SLK: variants seen among roughly 807,000 people sequenced by gnomAD.
The protein encoded by SLK is STE20 like kinase.
SLK carries 67 observed loss-of-function variants against 147.7 expected under a neutral mutation model. That is an observed-to-expected ratio of 0.45 (90% CI 0.37 to 0.56). The LOEUF (loss-of-function observed/expected upper bound fraction) is 0.56, where lower values mean the gene tolerates loss of function less well. Ranked by LOEUF, SLK falls within the 20% of genes least tolerant of loss-of-function variation. The pLI is 0.00. For synonymous variants in SLK, 441 were observed against 475.0 expected, an observed-to-expected ratio of 0.93 and a Z score of 0.93; for missense variants, 1,136 against 1,438.8, an observed-to-expected ratio of 0.79 and a Z score of 3.41.
At chr10:103,976,712 G>T (rs1488580315) in intron 1 of SLK, among the ~76,000 whole-genome samples, 2 of 152,030 alleles carry the variant, frequency 1.3e-5, no homozygotes, top group South Asian at 2.1e-4. Context: ...GAAGCTTTCT[G>T]TCACCCCCCG....
intron 1 of SLK, among the ~76,000 whole-genome samples, chr10:103,970,279 C>T (rs1024955156): frequency 6.6e-6 from 1 of 152,184 alleles, no homozygotes; most frequent in Non-Finnish European, 1.5e-5. Flanking sequence ...ATGGCATGGG[C>T]AGACTGTGTG....
At chr10:103,977,099 A>G (rs1352722396) in intron 1 of SLK, among the ~76,000 whole-genome samples, 2 of 152,000 alleles carry the variant, frequency 1.3e-5, no homozygotes, top group Non-Finnish European at 2.9e-5. Flanking sequence ...TGTGTTATTC[A>G]TTTGTCTATT....
chr10:103,979,800 A>G (rs1843918144), intron 1 of SLK, among the ~76,000 whole-genome samples: 1 of 152,020 alleles, frequency 6.6e-6, no homozygotes, highest in Non-Finnish European at 1.5e-5. Flanking sequence ...TTTCTTTTGC[A>G]TTGTGGTTTA....
In SLK at chr10:103,994,058, C is replaced by T. The variant is rs141733632; in HGVS notation, c.514+925C>T. On this transcript the variant is annotated intron_variant, in intron 4 of 18. Coordinates refer to ENST00000369755, the MANE Select transcript of SLK (RefSeq NM_014720.4). ...TGCAGGCATGCACCACCACGCCTGG[C>T]GAATTTTTAAAAATTTTTTTGTAGA... Among the ~76,000 whole-genome samples, 422 of 151,986 alleles carry T rather than the reference C, an allele frequency of 2.8e-3. 2 individuals are homozygous for T. Among genetic ancestry groups the T allele is most frequent in the Middle Eastern group, 0.017 (5 of 294 alleles).
chr10:103,968,578 C>G lies in SLK; in HGVS notation c.150+683C>G, dbSNP rs574595732. 1.7e-4 allele frequency among the ~76,000 whole-genome samples: 26 copies of G among 152,284 alleles called. No individual in the cohort carries two copies. In the South Asian group the frequency reaches 4.1e-3, roughly 24 times the overall value. On this transcript the variant is annotated intron_variant, in intron 1 of 18. Transcript: ENST00000369755. ...ATAGAAAGAGGCTTGGCGTTTCAAC[C>G]TGAAGGCATTAATGTTAACTATTTA...
intron 1 of SLK, among the ~76,000 whole-genome samples, chr10:103,968,547 A>G (rs564404465): frequency 3.9e-5 from 6 of 152,346 alleles, no homozygotes; most frequent in African/African-American, 1.4e-4. Context: ...GCATGTATTT[A>G]TTTCAATAGA....
At chr10:104,023,631 C>T (rs1358620754) in intron 18 of SLK, among the ~76,000 whole-genome samples, 2 of 151,624 alleles carry the variant, frequency 1.3e-5, no homozygotes, top group Non-Finnish European at 2.9e-5. Context: ...TTATGCTCCT[C>T]CTCATTTCAC....
intron 1 of SLK, among the ~76,000 whole-genome samples, chr10:103,978,648 G>C (rs1843900704): frequency 6.6e-6 from 1 of 151,878 alleles, no homozygotes; most frequent in East Asian, 1.9e-4. Context: ...TCAAGACCAG[G>C]GCATTTATTT....
intron 12 of SLK, among the ~76,000 whole-genome samples, chr10:104,008,995 GT>G (rs1206784113): frequency 6.6e-6 from 1 of 152,092 alleles, no homozygotes; most frequent in Non-Finnish European, 1.5e-5. Flanking sequence ...ATGAGAATGA[GT>G]TTTTTCATTG....
intron 11 of SLK, 128 bp downstream of exon 11, chr10:104,006,163 G>T: frequency 1.0e-6 from 1 of 976,836 alleles, no homozygotes; most frequent in East Asian, 2.8e-5. Flanking sequence ...CTAGCTTTGT[G>T]ATTTATTTCT....
chr10:104,021,517 G>A (rs1191599521), intron 17 of SLK, 103 bp from the exon 18 acceptor site: 3 of 637,100 alleles, frequency 4.7e-6, no homozygotes, highest in African/African-American at 3.7e-5. Context: ...CTCAGTAATA[G>A]CATGATATTT....
intron 4 of SLK, among the ~76,000 whole-genome samples, chr10:103,994,183 G>A (rs892506963): frequency 8.5e-5 from 13 of 152,106 alleles, no homozygotes; most frequent in Non-Finnish European, 1.8e-4. Flanking sequence ...CCTTTTGATT[G>A]TGAAAAATTA....
Position 104,025,713 on chromosome 10 carries a change from G to GA in SLK, c.3702dup (p.Ser1235IlefsTer32). ...CCTATTCCCAGCTTGCATTCCACCG[G>GA]ATCATAACAAAGGGAAGCATTCTGT... On this transcript the variant is annotated frameshift_variant, in exon 19 of 19. Transcript: ENST00000369755. LOFTEE classifies it high-confidence loss of function. 6.2e-7 allele frequency: 1 copy of GA among 1,613,960 alleles called. No individual in the cohort carries two copies. The highest frequency in any genetic ancestry group is 1.3e-5 in the African/African-American group (1 of 75,030).
intron 13 of SLK, among the ~76,000 whole-genome samples, chr10:104,015,994 G>A (rs887241747): frequency 6.6e-6 from 1 of 152,030 alleles, no homozygotes; most frequent in Non-Finnish European, 1.5e-5. Context: ...TGCAGGTTAT[G>A]TTGTTTATTG....
At chr10:103,994,834 T>C (rs1304946809) in intron 4 of SLK, among the ~76,000 whole-genome samples, 1 of 152,216 alleles carries the variant, frequency 6.6e-6, no homozygotes, top group African/African-American at 2.4e-5. Context: ...TGAAGTTCCT[T>C]TCTGTATTTC....
Position 104,005,599 on chromosome 10 carries a change from C to T in SLK, c.2388C>T (p.Arg796=), listed in dbSNP as rs770799892. 2 of 1,606,546 alleles carry T rather than the reference C, an allele frequency of 1.2e-6. No homozygotes were observed. Among genetic ancestry groups the T allele is most frequent in the East Asian group, 2.2e-5 (1 of 44,614 alleles). ...AAAAGAAAACATTGAAGAAAACACG[C>T]AAATTTATTGTTGATGGTGTAGAAG... ...RRQKKTLKKT[R]KFIVDGVEVS... is the part of the protein sequence containing the mutation. Residue 796 remains arginine, a synonymous_variant, in exon 10 of 19, where the codon CGC becomes CGT. Transcript: ENST00000369755.
rs1451766260 is a variant in SLK, at chr10:103,999,940, C to T, written c.856C>T (p.Leu286=). 6.7e-7 allele frequency: 1 copy of T among 1,492,126 alleles called. No homozygotes were observed. Among genetic ancestry groups the T allele is most frequent in the African/African-American group, 1.4e-5 (1 of 72,188 alleles). The allele number at this position is 1,492,126 out of a possible 1,614,324, so 92.4% of individuals were successfully genotyped here. A position where few individuals can be genotyped will look rare whatever the true frequency, so the allele number is the denominator to read the frequency against. ...NVDARWTTSQ[L]LQHPFVTVDS... is the part of the protein sequence containing the mutation. Reference sequence around the variant, plus strand: ...GGATGCCAGGTGGACTACATCTCAGCTGCTGCAGGTAAGAGAGTATGACAA... The same window carrying T: ...GGATGCCAGGTGGACTACATCTCAGTTGCTGCAGGTAAGAGAGTATGACAA... The change falls in exon 7 of 19, where the codon CTG becomes TTG. Residue 286 remains leucine (L), a synonymous_variant. Transcript: ENST00000369755.
chr10:103,976,324 T>C (rs1366741813), intron 1 of SLK, among the ~76,000 whole-genome samples: 3 of 152,214 alleles, frequency 2.0e-5, no homozygotes. Flanking sequence ...GGTCATAGGT[T>C]ATACATATCT....
chr10:103,975,726 T>G (rs2134446561), intron 1 of SLK, among the ~76,000 whole-genome samples: 1 of 152,282 alleles, frequency 6.6e-6, no homozygotes, highest in South Asian at 2.1e-4. Flanking sequence ...TTATGAAATA[T>G]TATAGTTTAT....
Sources: allele counts gnomAD v4.1 joint callset (sites outside exome capture counted in the v4.1 genomes callset), GRCh38; gene constraint gnomAD v4.1.1; transcripts MANE v1.5; gene names NCBI Gene and HGNC (gene_info 2026-07-23, HGNC 2026-07-21).